Variants in CARF observed in about 807,000 individuals in gnomAD.
CARF encodes the protein calcium-responsive transcription factor.
In CARF, 57 loss-of-function variants were observed where a neutral mutation model predicts 82.0. That is an observed-to-expected ratio of 0.70 (90% CI 0.56 to 0.87). The LOEUF is 0.87. Among genes scored for constraint, CARF ranks in the 40% least tolerant of loss-of-function variants. The pLI, the probability that CARF is intolerant of heterozygous loss-of-function variation, is 0.00. For missense variants in CARF, 771 were observed against 855.8 expected, an observed-to-expected ratio of 0.90 and a Z score of 1.24; for synonymous variants, 268 against 290.1, an observed-to-expected ratio of 0.92 and a Z score of 0.77.
intron 3 of CARF, among the ~76,000 whole-genome samples, chr2:202,926,095 A>G (rs546627420): frequency 2.6e-5 from 4 of 152,266 alleles, no homozygotes; most frequent in South Asian, 4.1e-4. Context: ...ATGTCCTGCA[A>G]TGAATGCCAC....
intron 5 of CARF, among the ~76,000 whole-genome samples, chr2:202,945,034 T>TG (rs886075996): frequency 3.2e-4 from 48 of 152,226 alleles, no homozygotes; most frequent in African/African-American, 1.1e-3. Context: ...GTATGAAGCA[T>TG]GGAAAAAAAA....
At chr2:202,960,224 A>G (rs2059244417) in intron 8 of CARF, among the ~76,000 whole-genome samples, 1 of 152,104 alleles carries the variant, frequency 6.6e-6, no homozygotes, top group African/African-American at 2.4e-5. Flanking sequence ...TGGTACTAAG[A>G]CCAGACAGAA....
At chr2:202,949,962 A>G (rs2058684315) in intron 5 of CARF, among the ~76,000 whole-genome samples, 1 of 152,186 alleles carries the variant, frequency 6.6e-6, no homozygotes, top group Non-Finnish European at 1.5e-5. Context: ...TTTATTAGAA[A>G]TATTGTACAC....
At chr2:202,953,507 T>TTG (rs1330362076) in intron 6 of CARF, among the ~76,000 whole-genome samples, 12 of 146,324 alleles carry the variant, frequency 8.2e-5, no homozygotes, top group African/African-American at 2.7e-4. Flanking sequence ...TGTTTTTTTT[T>TTG]TTTTTTTTTT....
In CARF at chr2:202,982,263, T is replaced by C; in HGVS notation, c.1881T>C (p.Ser627=). Residue 627 remains serine (S), a synonymous_variant, in exon 16 of 17, where the codon AGT becomes AGC. Transcript: ENST00000438828. ...ATACATGCTTAACCCAAAACAATAG[T>C]ACTGCCTCCACCATGGGTAACCTTC... The part of the protein sequence containing the change: ...QRDTCLTQNN[S]TASTMGNLPE... The C allele has an allele frequency of 6.2e-7, 1 of 1,614,164 alleles. No homozygotes were observed. The highest frequency in any genetic ancestry group is 8.5e-7 in the Non-Finnish European group (1 of 1,180,016).
chr2:202,921,923 T>C (rs1156530119), intron 2 of CARF, among the ~76,000 whole-genome samples: 1 of 151,768 alleles, frequency 6.6e-6, no homozygotes, highest in African/African-American at 2.4e-5. Flanking sequence ...ACTCCTGAGC[T>C]CAACCAGTCC....
intron 8 of CARF, among the ~76,000 whole-genome samples, chr2:202,959,757 T>C (rs1024801055): frequency 6.0e-5 from 9 of 150,060 alleles, no homozygotes; most frequent in African/African-American, 2.0e-4. Context: ...TGCAGTGAGA[T>C]GAGATAGTGC....
chr2:202,961,703 G>A, intron 9 of CARF: 1 of 454,720 alleles, frequency 2.2e-6, no homozygotes, highest in African/African-American at 2.0e-5. Context: ...TTAATAAAAT[G>A]TTAAAAGAGC....
chr2:202,942,957 A>G lies in CARF; in HGVS notation c.296A>G (p.Asn99Ser), dbSNP rs967847355. 1.9e-5 allele frequency: 31 copies of G among 1,613,560 alleles called. No homozygotes were observed. Among genetic ancestry groups the G allele is most frequent in the African/African-American group, 1.5e-4 (11 of 74,930 alleles). ...QYELQSLGESNAQMMIVASPT... is the reference protein window; with the variant it reads ...QYELQSLGESSAQMMIVASPT... ...GAACTTCAGTCATTGGGGGAATCCA[A>G]TGCACAAATGGTGAGTATATTTTAT... The change falls in exon 5 of 17, where the codon AAT (asparagine) becomes AGT (serine). Residue 99 changes from asparagine (N) to serine (S), a missense_variant. Coordinates refer to ENST00000438828, the MANE Select transcript of CARF (RefSeq NM_024744.17).
rs1368244736 is a variant in CARF at position 202,980,617 on chromosome 2, TATATATATATATATATATATA to T, written c.1559-937_1559-917del. On this transcript the variant is annotated intron_variant, in intron 14 of 16. Transcript: ENST00000438828. ...AGTTACAGATATAGCGTCTTTCAAG[TATATATATATATATATATATA>T]TATATATATATATATATATATATAG... Among the ~76,000 whole-genome samples the T allele has an allele frequency of 1.9e-3, 57 of 30,626 alleles. 1 individual carries two copies. The highest frequency in any genetic ancestry group is 8.8e-3 in the African/African-American group (43 of 4,876). The allele number at this position is 30,626 out of a possible 152,430, so 20.1% of individuals were successfully genotyped here.
intron 3 of CARF, chr2:202,925,108 G>T: frequency 2.6e-6 from 1 of 386,240 alleles, no homozygotes; most frequent in South Asian, 2.2e-5. Context: ...ACTGAGCCAG[G>T]AGCAGCTGAA....
chr2:202,946,051 C>T (rs908662372), intron 5 of CARF, among the ~76,000 whole-genome samples: 1 of 152,114 alleles, frequency 6.6e-6, no homozygotes, highest in Non-Finnish European at 1.5e-5. Flanking sequence ...ATTTGCATTT[C>T]TCTAATGATT....
intron 15 of CARF, 88 bp from the exon 16 acceptor site, chr2:202,981,984 G>C (rs2060281312): frequency 7.2e-7 from 1 of 1,380,806 alleles, no homozygotes; most frequent in African/African-American, 1.5e-5. Context: ...TATTTGTTCG[G>C]ATTTTTTGTC....
chr2:202,943,063 T>C (rs2058310001), intron 5 of CARF, 96 bp downstream of exon 5: 3 of 917,962 alleles, frequency 3.3e-6, no homozygotes, highest in African/African-American at 1.7e-5. Context: ...TTGACTTACA[T>C]TGTGTTTATT....
At chr2:202,934,363 T>G (rs1693525477) in intron 3 of CARF, 1 of 152,234 alleles carries the variant, frequency 6.6e-6, no homozygotes, top group Non-Finnish European at 1.5e-5. Context: ...TTAACTTGGC[T>G]GAGATAATTA....
At position 202,982,079 on chromosome 2, in the gene CARF, A is replaced by G. The variant is rs1322457239; in HGVS notation, c.1697A>G (p.Gln566Arg). The G allele has an allele frequency of 6.2e-7, 1 of 1,612,788 alleles. No homozygotes were observed. Among genetic ancestry groups the G allele is most frequent in the Non-Finnish European group, 8.5e-7 (1 of 1,179,718 alleles). ...CTCTTTTTGGTTTAAAAGGGTTTGC[A>G]GTTACAACCAAGGTACACCTCTCCT... The part of the protein sequence containing the change: ...PKIFTQLQGL[Q>R]LQPRYTSPDE... The change falls in exon 16 of 17, where the codon CAG (glutamine) becomes CGG (arginine). Residue 566 changes from glutamine to arginine, a missense_variant. By Grantham distance (43) the Gln-to-Arg change is conservative (BLOSUM62 1). Coordinates refer to ENST00000438828, the MANE Select transcript of CARF (RefSeq NM_024744.17).
chr2:202,964,221 A>C (rs1489714634), intron 9 of CARF, among the ~76,000 whole-genome samples: 1 of 152,136 alleles, frequency 6.6e-6, no homozygotes, highest in African/African-American at 2.4e-5. Flanking sequence ...TGAAAATTTC[A>C]TTTCCCCACT....
intron 1 of CARF, among the ~76,000 whole-genome samples, chr2:202,915,926 A>C (rs1348062009): frequency 4.1e-4 from 63 of 152,136 alleles, no homozygotes; most frequent in Admixed American, 4.1e-3. Flanking sequence ...AAAAATTAAT[A>C]TAGGTTATTG....
chr2:202,975,515 A>G (rs918712003), intron 13 of CARF, among the ~76,000 whole-genome samples: 1 of 152,014 alleles, frequency 6.6e-6, no homozygotes, highest in African/African-American at 2.4e-5. Flanking sequence ...AGGGTGAGGT[A>G]GGAATCGCTT....
Sources: gnomAD v4.1 joint callset for allele counts (sites outside exome capture counted in the v4.1 genomes callset) on GRCh38, gnomAD v4.1.1 for gene constraint, MANE v1.5 for transcripts, NCBI Gene and HGNC (gene_info 2026-07-23, HGNC 2026-07-21) for gene names.